DEFB114: variants seen among roughly 807,000 people sequenced by gnomAD.
The protein encoded by DEFB114 is beta-defensin 114.
DEFB114 carries 4 observed loss-of-function variants against 2.4 expected under a neutral mutation model. That is an observed-to-expected ratio of 1.67 (90% CI 0.82 to 3.82). The LOEUF is 3.82. DEFB114 is among the 30% of genes most tolerant of loss of function. The pLI is 0.01. For synonymous variants in DEFB114, 35 were observed against 24.6 expected (o/e 1.42, Z -1.26); for missense variants, 113 against 85.8 (o/e 1.32, Z -1.25).
chr6:49,961,835 C>G (rs1773465694), intron 1 of DEFB114, among the ~76,000 whole-genome samples: 1 of 150,644 alleles, frequency 6.6e-6, no homozygotes, highest in African/African-American at 2.4e-5. Context: ...TTTGTTTAAG[C>G]CTGCTCATTT....
chr6:49,963,920 A>G, intron 1 of DEFB114, 131 bp downstream of exon 1: 1 of 653,784 alleles, frequency 1.5e-6, no homozygotes. Context: ...GGAAACCAAG[A>G]TTCAGTATAA....
Position 49,960,317 on chromosome 6 carries a change from A to C in DEFB114, c.185T>G (p.Leu62Trp). The stretch of plus-strand genomic sequence containing the variant: ...TCAAAACATATCATCTTCTTCATAC[A>C]ATTTCTCAGTGCAGCAAATTTTTCT... ...LPRKICCTEKLYEEDDMF is the reference protein window; with the variant it reads ...LPRKICCTEKWYEEDDMF Residue 62 changes from leucine to tryptophan, a missense_variant, in exon 2 of 2, where the codon TTG becomes TGG. Transcript: ENST00000322066. The C allele has an allele frequency of 6.2e-7, 1 of 1,605,544 alleles. No individual in the cohort carries two copies. Among genetic ancestry groups the C allele is most frequent in the Non-Finnish European group, 8.5e-7 (1 of 1,175,384 alleles).
intron 1 of DEFB114, 66 bp downstream of exon 1, chr6:49,963,985 A>G: frequency 8.2e-7 from 1 of 1,221,068 alleles, no homozygotes; most frequent in Non-Finnish European, 1.2e-6. Context: ...TTCTACAATT[A>G]ATAATTTATT....
intron 1 of DEFB114, 117 bp downstream of exon 1, chr6:49,963,934 A>G (rs2113913344): frequency 1.4e-6 from 1 of 735,404 alleles, no homozygotes; most frequent in East Asian, 2.9e-5. Context: ...AGTATAATAA[A>G]GACACTTATT....
intron 1 of DEFB114, among the ~76,000 whole-genome samples, chr6:49,961,143 G>A (rs2113911844): frequency 6.6e-6 from 1 of 150,418 alleles, no homozygotes; most frequent in East Asian, 1.9e-4. Context: ...TATATTGTTA[G>A]TTATGGATTT....
intron 1 of DEFB114, among the ~76,000 whole-genome samples, chr6:49,962,612 TCTA>T (rs1255838226): frequency 6.6e-6 from 1 of 150,490 alleles, no homozygotes; most frequent in African/African-American, 2.4e-5. Flanking sequence ...TACTATTTTT[TCTA>T]CTGATTAAGA....
chr6:49,960,857 A>G (rs545395813), intron 1 of DEFB114, among the ~76,000 whole-genome samples: 1 of 150,916 alleles, frequency 6.6e-6, no homozygotes, highest in African/African-American at 2.4e-5. Context: ...TATATGATAT[A>G]TCCTTATGAT....
intron 1 of DEFB114, 34 bp from the exon 2 acceptor site, chr6:49,960,480 C>A: frequency 6.4e-7 from 1 of 1,563,800 alleles, no homozygotes; most frequent in Non-Finnish European, 8.6e-7. Flanking sequence ...AAATTCTAAT[C>A]TTTTATTTAA....
At chr6:49,961,082 C>A (rs1317454510) in intron 1 of DEFB114, among the ~76,000 whole-genome samples, 2 of 150,498 alleles carry the variant, frequency 1.3e-5, no homozygotes, top group Admixed American at 1.3e-4. Flanking sequence ...TGGATAGTAA[C>A]TTTTGTCTGT....
intron 1 of DEFB114, among the ~76,000 whole-genome samples, chr6:49,961,935 T>A (rs904070996): frequency 6.6e-6 from 1 of 150,882 alleles, no homozygotes; most frequent in Admixed American, 6.6e-5. Context: ...GATTTGTTCT[T>A]GTTTTGTATA....
rs1773438233 is a variant in DEFB114, at chr6:49,960,410, T to C, written c.92A>G (p.Lys31Arg). 6.2e-7 allele frequency: 1 copy of C among 1,607,090 alleles called. No individual in the cohort carries two copies. Among genetic ancestry groups the C allele is most frequent in the Non-Finnish European group, 8.5e-7 (1 of 1,175,958 alleles). ...GTCTCTTTTACAACGACCGTAACGT[T>C]TGGTGCAACGATCAGCATTCACCAA... The part of the protein sequence containing the change: ...CTLVNADRCT[K>R]RYGRCKRDCL... Residue 31 changes from lysine to arginine, a missense_variant, in exon 2 of 2, where the codon AAA becomes AGA. Transcript: ENST00000322066.
chr6:49,961,933 C>T (rs543923578), intron 1 of DEFB114, among the ~76,000 whole-genome samples: 5 of 150,678 alleles, frequency 3.3e-5, no homozygotes, highest in South Asian at 2.1e-4. Flanking sequence ...GAGATTTGTT[C>T]TTGTTTTGTA....
At chr6:49,961,661 A>G (rs942094165) in intron 1 of DEFB114, among the ~76,000 whole-genome samples, 1 of 150,836 alleles carries the variant, frequency 6.6e-6, no homozygotes, top group Admixed American at 6.6e-5. Context: ...CTTGCAGAAG[A>G]GTACCCAAAA....
intron 1 of DEFB114, among the ~76,000 whole-genome samples, 166 bp from the exon 2 acceptor site, chr6:49,960,612 C>A (rs1773442514): frequency 1.3e-5 from 2 of 149,986 alleles, no homozygotes; most frequent in Non-Finnish European, 3.0e-5. Context: ...ATCTTATACC[C>A]CAAATATATA....
At position 49,960,442 on chromosome 6, in the gene DEFB114, T is replaced by A; in HGVS notation, c.60A>T (p.Thr20=). The part of the protein sequence containing the change: ...LCYVTFILPA[T]CTLVNADRCT... ...AACGATCAGCATTCACCAAGGTACATGTGGCTACGGTAAAAGAAGAGTAAC... is the reference window on the plus strand; with the variant it reads ...AACGATCAGCATTCACCAAGGTACAAGTGGCTACGGTAAAAGAAGAGTAAC... Residue 20 remains threonine, a synonymous_variant, in exon 2 of 2, where the codon ACA becomes ACT. Coordinates refer to ENST00000322066, the MANE Select transcript of DEFB114 (RefSeq NM_001037499.2). The A allele has an allele frequency of 6.3e-7, 1 of 1,589,984 alleles. No individual in the cohort carries two copies. The highest frequency in any genetic ancestry group is 8.5e-7 in the Non-Finnish European group (1 of 1,170,614).
At chr6:49,962,868 T>C (rs1178406383) in intron 1 of DEFB114, among the ~76,000 whole-genome samples, 1 of 150,232 alleles carries the variant, frequency 6.7e-6, no homozygotes, top group Admixed American at 6.7e-5. Context: ...TGTTTCTGGG[T>C]TCTCTATTCT....
intron 1 of DEFB114, among the ~76,000 whole-genome samples, chr6:49,962,712 C>T (rs1773482574): frequency 6.7e-6 from 1 of 150,248 alleles, no homozygotes; most frequent in African/African-American, 2.4e-5. Context: ...TCCATGCTTG[C>T]ATCTCAGGTT....
Position 49,964,143 on chromosome 6 carries a change from A to G in DEFB114, c.-38T>C. 6.9e-7 allele frequency: 1 copy of G among 1,457,454 alleles called. No individual in the cohort carries two copies. The highest frequency in any genetic ancestry group is 9.4e-7 in the Non-Finnish European group (1 of 1,060,668). The allele number at this position is 1,457,454 out of a possible 1,614,324, so 90.3% of individuals were successfully genotyped here. ...AGTTGTTGAAAGACTTGATAACAGAATATAGAGACTATAGAACTTTCCAAA... is the reference window on the plus strand; with the variant it reads ...AGTTGTTGAAAGACTTGATAACAGAGTATAGAGACTATAGAACTTTCCAAA... On this transcript the variant is annotated 5_prime_UTR_variant, in exon 1 of 2. Coordinates refer to ENST00000322066, the MANE Select transcript of DEFB114 (RefSeq NM_001037499.2).
At chr6:49,961,060 A>T (rs953402922) in intron 1 of DEFB114, among the ~76,000 whole-genome samples, 1 of 150,830 alleles carries the variant, frequency 6.6e-6, no homozygotes, top group African/African-American at 2.4e-5. Flanking sequence ...TAAGAATTTT[A>T]AAAATATATT....
Sources: allele counts gnomAD v4.1 joint callset (sites outside exome capture counted in the v4.1 genomes callset), GRCh38; gene constraint gnomAD v4.1.1; transcripts MANE v1.5; gene names NCBI Gene and HGNC (gene_info 2026-07-23, HGNC 2026-07-21).